ABLIM2: variants seen among roughly 807,000 people sequenced by gnomAD.
ABLIM2 encodes the protein actin-binding LIM protein 2.
Under a neutral mutation model 97.7 loss-of-function variants are expected in ABLIM2, and 53 were observed. The ratio of observed to expected loss-of-function variants is 0.54; its 90% CI spans 0.44 to 0.68. ABLIM2 has a LOEUF of 0.68. Ranked by LOEUF, ABLIM2 falls within the 30% of genes least tolerant of loss-of-function variation. ABLIM2 has a pLI of 0.00. For synonymous variants in ABLIM2, 361 were observed against 345.8 expected, an observed-to-expected ratio of 1.04 and a Z score of -0.49; for missense variants, 835 against 867.2, an observed-to-expected ratio of 0.96 and a Z score of 0.47.
chr4:8,098,379 C>T (rs949109017), intron 2 of ABLIM2, among the ~76,000 whole-genome samples: 4 of 152,222 alleles, frequency 2.6e-5, no homozygotes, highest in African/African-American at 9.6e-5. Flanking sequence ...GTCGTTTCTG[C>T]ACATTGTGAA....
At chr4:7,975,429 A>G (rs970068100) in intron 20 of ABLIM2, among the ~76,000 whole-genome samples, 1 of 151,742 alleles carries the variant, frequency 6.6e-6, no homozygotes, top group South Asian at 2.1e-4. Flanking sequence ...GCTTCTCCAC[A>G]CTCCTGCGTA....
chr4:8,072,852 G>C lies in ABLIM2; in HGVS notation c.675+4776C>G, dbSNP rs550501477. Among the ~76,000 whole-genome samples, 1 of 152,316 alleles carries C rather than the reference G, an allele frequency of 6.6e-6. No homozygotes were observed. Among genetic ancestry groups the C allele is most frequent in the East Asian group, 1.9e-4 (1 of 5,154 alleles). Reference sequence around the variant, plus strand: ...GGACAGCACCTGAGTGGGGAACGCAGGCCCTGCAAGGCCCCTGGGGAAGTA... The same window carrying C: ...GGACAGCACCTGAGTGGGGAACGCACGCCCTGCAAGGCCCCTGGGGAAGTA... On this transcript the variant is annotated intron_variant, in intron 6 of 20. Coordinates refer to ENST00000447017, the MANE Select transcript of ABLIM2 (RefSeq NM_001130083.2). This position sits in a 1 kb window ranked among gnomAD's most constrained non-coding sequence, Gnocchi z 5.8.
At position 8,008,122 on chromosome 4, in the gene ABLIM2, A is replaced by G. The variant is rs371583390; in HGVS notation, c.1555T>C (p.Ser519Pro). The G allele has an allele frequency of 2.5e-6, 4 of 1,613,882 alleles. No individual in the cohort carries two copies. Among genetic ancestry groups the G allele is most frequent in the Non-Finnish European group, 3.4e-6 (4 of 1,179,902 alleles). The change falls in exon 16 of 21, where the codon TCC (serine) becomes CCC (proline). Residue 519 changes from serine (S) to proline (P), a missense_variant. By Grantham distance (74) the Ser-to-Pro change is moderately conservative (BLOSUM62 -1). Transcript: ENST00000447017. The stretch of plus-strand genomic sequence containing the variant: ...TCTCTGTCGGTCCCGCTGCTGTGGG[A>G]CAAGGACTGGGTGTCCAGGTCTGGA... ...NSPDLDTQSL[S>P]HSSGTDRDPL...
chr4:8,064,989 C>T (rs141832236), intron 6 of ABLIM2, among the ~76,000 whole-genome samples: 403 of 152,296 alleles, frequency 2.6e-3, no homozygotes, highest in African/African-American at 9.0e-3. Context: ...GTGGCTCACA[C>T]CTGTAATCCA....
At position 8,148,639 on chromosome 4, in the gene ABLIM2, G is replaced by A. The variant is rs1414674056; in HGVS notation, c.10+10041C>T. ...TCCACACTGGGGAAGCGCGTAAGCC[G>A]TTCCCCCGTGGGCATGCACAGCAGA... On this transcript the variant is annotated intron_variant, in intron 1 of 20. Coordinates refer to ENST00000447017, the MANE Select transcript of ABLIM2 (RefSeq NM_001130083.2). This position sits in a 1 kb window ranked among gnomAD's most constrained non-coding sequence, Gnocchi z 6.7. Among the ~76,000 whole-genome samples, 1 of 151,052 alleles carries A rather than the reference G, an allele frequency of 6.6e-6. No individual in the cohort carries two copies. Among genetic ancestry groups the A allele is most frequent in the Non-Finnish European group, 1.5e-5 (1 of 67,782 alleles).
In ABLIM2 at chr4:8,088,271, G is replaced by C. The variant is rs752791661; in HGVS notation, c.352C>G (p.Pro118Ala). The part of the protein sequence containing the change: ...VCAVCRLPFP[P>A]GDRVTFNGKE... The stretch of plus-strand genomic sequence containing the variant: ...CCGTTGAAGGTCACTCGGTCCCCGG[G>C]GGGGAAGGGCAGCCTGAAACAAGAG... The change falls in exon 4 of 21, where the codon CCC becomes GCC. Residue 118 changes from proline (P) to alanine (A), a missense_variant. By Grantham distance (27) the Pro-to-Ala change is conservative. Transcript: ENST00000447017. 3.7e-5 allele frequency: 60 copies of C among 1,612,550 alleles called. No homozygotes were observed. The highest frequency in any genetic ancestry group is 5.5e-5 in the South Asian group (5 of 90,924).
Position 8,091,684 on chromosome 4 carries a change from AT to A in ABLIM2, c.339-3401del, listed in dbSNP as rs1164817499. On this transcript the variant is annotated intron_variant, in intron 3 of 20. Coordinates refer to ENST00000447017, the MANE Select transcript of ABLIM2 (RefSeq NM_001130083.2). ...TATATATTATATAAAATTATATATA[AT>A]TATATATTATATAATATACATAATA... Among the ~76,000 whole-genome samples the A allele has an allele frequency of 4.8e-4, 23 of 48,060 alleles. 3 individuals are homozygous for A. The highest frequency in any genetic ancestry group is 4.5e-3 in the South Asian group (9 of 1,994). The allele number at this position is 48,060 out of a possible 152,430, so 31.5% of individuals were successfully genotyped here.
chr4:7,987,462 C>A (rs1434421649), intron 17 of ABLIM2, among the ~76,000 whole-genome samples: 3 of 150,738 alleles, frequency 2.0e-5, no homozygotes, highest in Non-Finnish European at 2.9e-5. Context: ...TCTCAGACTA[C>A]CATCCCAGGT....
At chr4:8,092,862 T>A (rs943085720) in intron 3 of ABLIM2, among the ~76,000 whole-genome samples, 2 of 152,194 alleles carry the variant, frequency 1.3e-5, no homozygotes, top group Non-Finnish European at 2.9e-5. Context: ...TTTAAAAGTT[T>A]TTTTGAGATG....
rs530659321 is a variant in ABLIM2 at position 8,155,353 on chromosome 4, G to A, written c.10+3327C>T. On this transcript the variant is annotated intron_variant, in intron 1 of 20. Coordinates refer to ENST00000447017, the MANE Select transcript of ABLIM2 (RefSeq NM_001130083.2). The surrounding 1 kb of genome is among the most constrained non-coding windows in gnomAD (Gnocchi z 4.2). Reference sequence around the variant, plus strand: ...AATACTAGGATCTGCACCGTCCACAGTCTGGGGACTAGGGCTCAGGTTCGG... The same window carrying A: ...AATACTAGGATCTGCACCGTCCACAATCTGGGGACTAGGGCTCAGGTTCGG... 2.0e-5 allele frequency among the ~76,000 whole-genome samples: 3 copies of A among 152,328 alleles called. No individual in the cohort carries two copies. The highest frequency in any genetic ancestry group is 4.1e-4 in the South Asian group (2 of 4,830).
chr4:7,969,730 GACAC>G (rs56236019), intron 20 of ABLIM2, among the ~76,000 whole-genome samples: 14,008 of 139,572 alleles, frequency 0.1, 1,585 homozygotes, highest in African/African-American at 0.28. Flanking sequence ...CTCTCTCTCT[GACAC>G]ACACACACAC....
intron 18 of ABLIM2, among the ~76,000 whole-genome samples, chr4:7,984,236 T>C (rs1405957262): frequency 6.6e-6 from 1 of 152,214 alleles, no homozygotes; most frequent in East Asian, 1.9e-4. Context: ...CTGCTGGCTC[T>C]GAGGCCCGGG....
At chr4:8,104,122 C>T (rs188842096) in intron 2 of ABLIM2, among the ~76,000 whole-genome samples, 16 of 152,320 alleles carry the variant, frequency 1.1e-4, no homozygotes, top group East Asian at 3.9e-4. Context: ...GGCGCTGACA[C>T]GCCCCCTTTG....
intron 7 of ABLIM2, among the ~76,000 whole-genome samples, chr4:8,056,112 CAAAAAAAAAAAA>C (rs60992903): frequency 1.9e-3 from 131 of 68,356 alleles, no homozygotes; most frequent in Non-Finnish European, 2.3e-3. Flanking sequence ...GACTCTGTCT[CAAAAAAAAAAAA>C]AAAAAAAAAA....
chr4:8,091,571 TAATTTTATATAAAATTA>T (rs1828217352), intron 3 of ABLIM2, among the ~76,000 whole-genome samples: 1 of 38,868 alleles, frequency 2.6e-5, no homozygotes, highest in African/African-American at 1.8e-4. Flanking sequence ...ATATTATATA[TAATTTTATATAAAATTA>T]TATATATAAT....
intron 18 of ABLIM2, among the ~76,000 whole-genome samples, chr4:7,984,621 G>A (rs1741978530): frequency 6.6e-6 from 1 of 152,242 alleles, no homozygotes; most frequent in Non-Finnish European, 1.5e-5. Flanking sequence ...CCATGGATGG[G>A]ACAGAGGGAG....
In ABLIM2 at chr4:8,111,341, C is replaced by T. The variant is rs923443315; in HGVS notation, c.11-4704G>A. ...TGATGGTTGCCAGGGCTGGGATCAACGGAGCACAGGGCGTTTTTAGCAGTG... is the reference window on the plus strand; with the variant it reads ...TGATGGTTGCCAGGGCTGGGATCAATGGAGCACAGGGCGTTTTTAGCAGTG... On this transcript the variant is annotated intron_variant, in intron 1 of 20. Coordinates refer to ENST00000447017, the MANE Select transcript of ABLIM2 (RefSeq NM_001130083.2). 3.9e-5 allele frequency among the ~76,000 whole-genome samples: 6 copies of T among 152,288 alleles called. No individual in the cohort carries two copies. The South Asian group carries it at 6.2e-4, about 16-fold the overall frequency.
intron 3 of ABLIM2, among the ~76,000 whole-genome samples, chr4:8,089,594 G>C (rs900948506): frequency 9.2e-5 from 14 of 152,060 alleles, no homozygotes; most frequent in Non-Finnish European, 1.5e-4. Context: ...AATTAGCCAT[G>C]CATGGTGGTG....
intron 3 of ABLIM2, among the ~76,000 whole-genome samples, chr4:8,091,523 A>C (rs867542511): frequency 0.052 from 1,821 of 34,998 alleles, 310 homozygotes; most frequent in Non-Finnish European, 0.068. Flanking sequence ...TAAAATATAT[A>C]TTATATATAA....
Sources: gnomAD v4.1 joint callset for allele counts (sites outside exome capture counted in the v4.1 genomes callset) on GRCh38, gnomAD v4.1.1 for gene constraint, Gnocchi (gnomAD v3.1) non-coding constraint, MANE v1.5 for transcripts, NCBI Gene and HGNC (gene_info 2026-07-23, HGNC 2026-07-21) for gene names.